The following RAB11FIP1 variants were observed in gnomAD, a reference collection of about 807,000 sequenced individuals.
RAB11FIP1 encodes the protein rab11 family-interacting protein 1.
RAB11FIP1 carries 49 observed loss-of-function variants against 83.1 expected under a neutral mutation model. The ratio of observed to expected loss-of-function variants is 0.59; its 90% confidence interval spans 0.47 to 0.75. The LOEUF (loss-of-function observed/expected upper bound fraction) is 0.75. Ranked by LOEUF, RAB11FIP1 falls within the 30% of genes least tolerant of loss-of-function variation. RAB11FIP1 has a pLI of 0.00. For missense variants in RAB11FIP1, 1,536 were observed against 1,598.7 expected, an observed-to-expected ratio of 0.96 and a Z score of 0.67; for synonymous variants, 670 against 656.0, an observed-to-expected ratio of 1.02 and a Z score of -0.33.
chr8:37,882,117 CAG>C (rs1353717920), intron 1 of RAB11FIP1, among the ~76,000 whole-genome samples: 1 of 152,142 alleles, frequency 6.6e-6, no homozygotes, highest in Non-Finnish European at 1.5e-5. Flanking sequence ...GAGCTTCAGG[CAG>C]GGGTTTCTCC....
rs896224760 is a variant in RAB11FIP1, at chr8:37,859,325, A to G, written c.*3570T>C. The G allele has an allele frequency of 2.0e-5, 3 of 152,216 alleles. No homozygotes were observed. The highest frequency in any genetic ancestry group is 7.2e-5 in the African/African-American group (3 of 41,462). 9.4% of individuals were successfully genotyped at this position (152,216 alleles called of 1,614,324 possible). On this transcript the variant is annotated 3_prime_UTR_variant, in exon 6 of 6. Transcript: ENST00000330843. ...TTAACATTAAATTGCCTCTCTCTAC[A>G]GTATGTGGCTGAGCATCATGGACCT...
intron 5 of RAB11FIP1, among the ~76,000 whole-genome samples, chr8:37,869,606 G>T (rs1280667466): frequency 6.6e-6 from 1 of 151,774 alleles, no homozygotes; most frequent in African/African-American, 2.4e-5. Flanking sequence ...AAAAGAAAAA[G>T]TTCCCTGATT....
At chr8:37,873,231 A>T in intron 3 of RAB11FIP1, 52 bp from the exon 4 acceptor site, 1 of 1,500,236 alleles carries the variant, frequency 6.7e-7, no homozygotes, top group Non-Finnish European at 8.8e-7. Context: ...GCATCACGAG[A>T]GACAAAGAAA....
At chr8:37,890,607 ATC>A (rs1806928260) in intron 1 of RAB11FIP1, among the ~76,000 whole-genome samples, 1 of 152,112 alleles carries the variant, frequency 6.6e-6, no homozygotes, top group Non-Finnish European at 1.5e-5. Flanking sequence ...TGCCACAGGC[ATC>A]ATTAGCCAGC....
intron 1 of RAB11FIP1, among the ~76,000 whole-genome samples, chr8:37,881,967 G>C (rs1290505261): frequency 6.6e-6 from 1 of 152,128 alleles, no homozygotes; most frequent in African/African-American, 2.4e-5. Context: ...GGTAGCCTTG[G>C]TGATGAAGGG....
At chr8:37,896,471 C>T (rs879769742) in intron 1 of RAB11FIP1, among the ~76,000 whole-genome samples, 16 of 152,002 alleles carry the variant, frequency 1.1e-4, no homozygotes, top group Non-Finnish European at 1.8e-4. Flanking sequence ...TGCAAAGAAG[C>T]CTTCCTTTGC....
At chr8:37,866,514 A>G (rs1240264856) in intron 5 of RAB11FIP1, among the ~76,000 whole-genome samples, 1 of 152,122 alleles carries the variant, frequency 6.6e-6, no homozygotes, top group African/African-American at 2.4e-5. Flanking sequence ...ATAATGACAT[A>G]CACTCAAATG....
At chr8:37,891,303 C>T (rs1299189845) in intron 1 of RAB11FIP1, among the ~76,000 whole-genome samples, 1 of 152,224 alleles carries the variant, frequency 6.6e-6, no homozygotes, top group South Asian at 2.1e-4. Flanking sequence ...ATCACTCTCT[C>T]TATTCAAGGC....
At chr8:37,885,325 A>T (rs897838396) in intron 1 of RAB11FIP1, among the ~76,000 whole-genome samples, 5 of 152,184 alleles carry the variant, frequency 3.3e-5, no homozygotes, top group African/African-American at 1.2e-4. Context: ...AATAACAGGC[A>T]TTGGGTAAAA....
intron 1 of RAB11FIP1, among the ~76,000 whole-genome samples, chr8:37,896,644 T>C (rs1167980074): frequency 2.0e-5 from 3 of 152,164 alleles, no homozygotes; most frequent in South Asian, 4.1e-4. Context: ...GACTGAACTC[T>C]TCCTGAAAAA....
At chr8:37,874,491 T>C (rs776426587) in intron 3 of RAB11FIP1, 24 bp downstream of exon 3, 28 of 1,601,296 alleles carry the variant, frequency 1.7e-5, no homozygotes, top group Non-Finnish European at 2.4e-5. Context: ...AGAAATGCCC[T>C]GCACGAGAAG....
intron 5 of RAB11FIP1, among the ~76,000 whole-genome samples, 174 bp from the exon 6 acceptor site, chr8:37,863,287 C>A (rs996988123): frequency 6.6e-6 from 1 of 151,814 alleles, no homozygotes; most frequent in African/African-American, 2.4e-5. Flanking sequence ...ACTCTGTCAC[C>A]CAGCCTGGAG....
intron 5 of RAB11FIP1, among the ~76,000 whole-genome samples, chr8:37,866,937 G>A (rs1041093326): frequency 1.3e-5 from 2 of 152,172 alleles, no homozygotes. Flanking sequence ...CAGGCAGCGG[G>A]GTGGCAGCCA....
At chr8:37,878,992 T>C (rs527963517) in intron 1 of RAB11FIP1, among the ~76,000 whole-genome samples, 1 of 152,020 alleles carries the variant, frequency 6.6e-6, no homozygotes, top group East Asian at 1.9e-4. Context: ...AATAAATAAA[T>C]AAAAATAAAG....
Position 37,873,124 on chromosome 8 carries a change from A to T in RAB11FIP1, c.1678T>A (p.Ser560Thr), listed in dbSNP as rs1806518786. ...PTARLPSPTD[S>T]PSSLPPLPSS... ...GGAAGAGGAGGAAGAGAGGAAGGGG[A>T]GTCAGTAGGGGAAGGAAGCCTGGCT... Residue 560 changes from serine to threonine, a missense_variant, in exon 4 of 6, where the codon TCC becomes ACC. Transcript: ENST00000330843. 6.2e-7 allele frequency: 1 copy of T among 1,611,698 alleles called. No individual in the cohort carries two copies. The highest frequency in any genetic ancestry group is 1.3e-5 in the African/African-American group (1 of 74,868).
At chr8:37,877,007 G>T (rs1386354994) in intron 2 of RAB11FIP1, 102 bp downstream of exon 2, 2 of 878,508 alleles carry the variant, frequency 2.3e-6, no homozygotes, top group Admixed American at 2.7e-5. Context: ...TTGAGGAATT[G>T]AATTAAACTC....
At position 37,862,210 on chromosome 8, in the gene RAB11FIP1, C is replaced by G. The variant is rs987060764; in HGVS notation, c.*685G>C. 3 of 152,294 alleles carry G rather than the reference C, an allele frequency of 2.0e-5. No homozygotes were observed. Among genetic ancestry groups the G allele is most frequent in the Admixed American group, 6.5e-5 (1 of 15,284 alleles). The allele number at this position is 152,294 out of a possible 1,614,324, so 9.4% of individuals were successfully genotyped here. ...ACTTTTCCTATCTCCAGTAGAAGGGCCCTGGATCTAAGCAGAAGGTATTTT... is the reference window on the plus strand; with the variant it reads ...ACTTTTCCTATCTCCAGTAGAAGGGGCCTGGATCTAAGCAGAAGGTATTTT... On this transcript the variant is annotated 3_prime_UTR_variant, in exon 6 of 6. Transcript: ENST00000330843.
rs1190947481 is a variant in RAB11FIP1 at position 37,874,549 on chromosome 8, G to A, written c.1588C>T (p.Pro530Ser). The change falls in exon 3 of 6, where the codon CCG becomes TCG. Residue 530 changes from proline (P) to serine (S), a missense_variant. Physicochemically the swap from Pro to Ser is moderately conservative, Grantham distance 74. Transcript: ENST00000330843. ...KSEPRPPISS[P>S]RAPQTRAVKP... ...ACAGCTCTGGTCTGGGGAGCCCTCG[G>A]AGAGGAAATTGGAGGTCTCGGTTCA... 1.2e-6 allele frequency: 2 copies of A among 1,614,098 alleles called. No homozygotes were observed. Among genetic ancestry groups the A allele is most frequent in the African/African-American group, 2.7e-5 (2 of 74,934 alleles).
At position 37,871,919 on chromosome 8, in the gene RAB11FIP1, G is replaced by A; in HGVS notation, c.2883C>T (p.Ser961=). ...IMADLNLSLP[S]IPEVASDDER... is the part of the protein sequence containing the mutation. ...CATCATCCGATGCGACTTCAGGAAT[G>A]GAAGGAAGGCTTAAGTTCAGATCGG... The change falls in exon 4 of 6, where the codon TCC becomes TCT. Residue 961 remains serine (S), a synonymous_variant. Transcript: ENST00000330843. The A allele has an allele frequency of 6.2e-7, 1 of 1,614,188 alleles. No homozygotes were observed. The highest frequency in any genetic ancestry group is 1.3e-5 in the African/African-American group (1 of 75,060).
Sources: allele counts gnomAD v4.1 joint callset (sites outside exome capture counted in the v4.1 genomes callset), GRCh38; gene constraint gnomAD v4.1.1; transcripts MANE v1.5; gene names NCBI Gene and HGNC (gene_info 2026-07-23, HGNC 2026-07-21).